Variants in HEG1 observed in about 807,000 individuals in gnomAD.
HEG1 encodes protein HEG homolog 1.
Under a neutral mutation model 125.6 loss-of-function variants are expected in HEG1, and 56 were observed. The ratio of observed to expected loss-of-function variants is 0.45; its 90% CI spans 0.36 to 0.56. The LOEUF (loss-of-function observed/expected upper bound fraction) is 0.56. HEG1 is among the 20% of genes least tolerant of loss of function. The probability of loss-of-function intolerance (pLI) is 0.00; values close to 1 mark genes in which losing one functional copy is unlikely to be tolerated. For missense variants in HEG1, 1,523 were observed against 1,670.0 expected, an observed-to-expected ratio of 0.91 and a Z score of 1.53; for synonymous variants, 644 against 668.5, an observed-to-expected ratio of 0.96 and a Z score of 0.57.
intron 1 of HEG1, among the ~76,000 whole-genome samples, chr3:125,030,527 A>G (rs1403361481): frequency 6.6e-6 from 1 of 152,254 alleles, no homozygotes; most frequent in East Asian, 1.9e-4. Context: ...TGGTCACTGA[A>G]TTGGTGCTAT....
chr3:125,029,229 T>A lies in HEG1; in HGVS notation c.576A>T (p.Ile192=). Residue 192 remains isoleucine (I), a synonymous_variant, in exon 2 of 17, where the codon ATA becomes ATT. Coordinates refer to ENST00000311127, the MANE Select transcript of HEG1 (RefSeq NM_020733.2). ...CACTCTGGGAAGTCAGAGCTGTTGC[T>A]ATCTCCAGTGAGTACCCAACAGGCA... ...TILPVGYSLE[I]ATALTSQSGN... The A allele has an allele frequency of 6.2e-7, 1 of 1,613,262 alleles. No individual in the cohort carries two copies. Among genetic ancestry groups the A allele is most frequent in the Non-Finnish European group, 8.5e-7 (1 of 1,179,658 alleles).
chr3:125,010,421 C>A lies in HEG1; in HGVS notation c.3073+18G>T. The A allele has an allele frequency of 6.7e-7, 1 of 1,491,090 alleles. No homozygotes were observed. Among genetic ancestry groups the A allele is most frequent in the Non-Finnish European group, 9.1e-7 (1 of 1,092,996 alleles). The allele number at this position is 1,491,090 out of a possible 1,614,324, so 92.4% of individuals were successfully genotyped here. ...TGGTACTGTGGTGCAGACCACTGGG[C>A]GTTACTTTTTCTCTTACCCACACTG... is the stretch of plus-strand genomic sequence containing the variant. On this transcript the variant is annotated intron_variant, in intron 7 of 16. Coordinates refer to ENST00000311127, the MANE Select transcript of HEG1 (RefSeq NM_020733.2).
intron 1 of HEG1, among the ~76,000 whole-genome samples, chr3:125,045,650 C>T (rs1937651642): frequency 6.6e-6 from 1 of 152,192 alleles, no homozygotes; most frequent in African/African-American, 2.4e-5. Context: ...CTCCCTTTCT[C>T]CAACTCCTCT....
At chr3:125,011,565 C>G (rs1191167625) in intron 6 of HEG1, among the ~76,000 whole-genome samples, 2 of 152,178 alleles carry the variant, frequency 1.3e-5, no homozygotes, top group African/African-American at 4.8e-5. Flanking sequence ...CCCAAACTTC[C>G]CTGGAGAAAC....
chr3:125,005,184 C>G, intron 9 of HEG1, 81 bp downstream of exon 9: 1 of 806,956 alleles, frequency 1.2e-6, no homozygotes, highest in Non-Finnish European at 2.0e-6. Context: ...ACACAGCTGA[C>G]CGCTAGGCAG....
rs1300832618 is a variant in HEG1, at chr3:124,973,799, C to T, written c.3928G>A (p.Glu1310Lys). 1 of 1,613,866 alleles carries T rather than the reference C, an allele frequency of 6.2e-7. No individual in the cohort carries two copies. The highest frequency in any genetic ancestry group is 8.5e-7 in the Non-Finnish European group (1 of 1,179,878). The change falls in exon 16 of 17, where the codon GAA becomes AAA. Residue 1310 changes from glutamate to lysine, a missense_variant. Coordinates refer to ENST00000311127, the MANE Select transcript of HEG1 (RefSeq NM_020733.2). ...KNPRSQEWGR[E>K]AIEMHENGST... is the part of the protein sequence containing the mutation. The stretch of plus-strand genomic sequence containing the variant: ...CCATTCTCATGCATTTCAATAGCTT[C>T]TCGGCCCCATTCTTGTGAGCGAGGA...
In HEG1 at chr3:125,014,877, C is replaced by A. The variant is rs1014289911; in HGVS notation, c.1589-887G>T. 3.1e-6 allele frequency: 4 copies of A among 1,289,750 alleles called. No homozygotes were observed. In the African/African-American group the frequency reaches 6.1e-5, roughly 20 times the overall value. The allele number at this position is 1,289,750 out of a possible 1,614,324, so 79.9% of individuals were successfully genotyped here. Reference sequence around the variant, plus strand: ...GCTGGTGTTGGTGAGGGTGACAGACCGCAGTGTGCGTTCCCCGTTTCCAGT... The same window carrying A: ...GCTGGTGTTGGTGAGGGTGACAGACAGCAGTGTGCGTTCCCCGTTTCCAGT... On this transcript the variant is annotated intron_variant, in intron 5 of 16. Transcript: ENST00000311127.
At position 125,008,598 on chromosome 3, in the gene HEG1, C is replaced by A. The variant is rs532761416; in HGVS notation, c.3193+1107G>T. On this transcript the variant is annotated intron_variant, in intron 8 of 16. Transcript: ENST00000311127. ...GGCAGATCACTTGAGGTCAGGAGTT[C>A]GAGAGCATGGCCAACATGGCAAAGC... Among the ~76,000 whole-genome samples, 6 of 152,234 alleles carry A rather than the reference C, an allele frequency of 3.9e-5. No individual in the cohort carries two copies. The South Asian group carries it at 1.0e-3, about 26-fold the overall frequency.
In HEG1 at chr3:125,013,669, G is replaced by A. The variant is rs1937197073; in HGVS notation, c.1910C>T (p.Thr637Ile). The A allele has an allele frequency of 2.5e-6, 4 of 1,613,838 alleles. No homozygotes were observed. The highest frequency in any genetic ancestry group is 1.1e-5 in the South Asian group (1 of 91,022). Reference protein sequence around the residue: ...VLHTSNLPSYTPTINMPNTSV... With the variant: ...VLHTSNLPSYIPTINMPNTSV... ...AGTGTTCGGCATATTAATGGTGGGTGTGTAGGACGGAAGGTTGGATGTATG... is the reference window on the plus strand; with the variant it reads ...AGTGTTCGGCATATTAATGGTGGGTATGTAGGACGGAAGGTTGGATGTATG... Residue 637 changes from threonine (T) to isoleucine (I), a missense_variant, in exon 6 of 17, where the codon ACA becomes ATA. Thr to Ile is a moderately conservative substitution (Grantham distance 89). Transcript: ENST00000311127.
rs2107683325 is a variant in HEG1, at chr3:124,966,743, T to C, written c.*3909A>G. The C allele has an allele frequency of 6.6e-6, 1 of 152,396 alleles. No homozygotes were observed. The highest frequency in any genetic ancestry group is 2.1e-4 in the South Asian group (1 of 4,830). The allele number at this position is 152,396 out of a possible 1,614,324, so 9.4% of individuals were successfully genotyped here. A position where few individuals can be genotyped will look rare whatever the true frequency, so the allele number is the denominator to read the frequency against. Reference sequence around the variant, plus strand: ...CAAAACCCTGTGTGTTAGGCTAAACTTAGCCAAGGGCAACTGGAGTGGACA... The same window carrying C: ...CAAAACCCTGTGTGTTAGGCTAAACCTAGCCAAGGGCAACTGGAGTGGACA... On this transcript the variant is annotated 3_prime_UTR_variant, in exon 17 of 17. Transcript: ENST00000311127.
intron 1 of HEG1, among the ~76,000 whole-genome samples, chr3:125,041,601 T>C (rs1253649530): frequency 6.6e-6 from 1 of 152,174 alleles, no homozygotes; most frequent in Non-Finnish European, 1.5e-5. Context: ...TCTGGGTCTA[T>C]ATGCAAAAGA....
intron 2 of HEG1, 134 bp downstream of exon 2, chr3:125,029,061 G>A: frequency 1.1e-6 from 1 of 901,276 alleles, no homozygotes; most frequent in South Asian, 1.7e-5. Flanking sequence ...CTAAGTCACA[G>A]GTCTGACCCA....
chr3:125,015,062 C>A (rs1379145678), intron 5 of HEG1: 4 of 1,174,622 alleles, frequency 3.4e-6, no homozygotes, highest in South Asian at 1.5e-5. Context: ...GCTGGAGCGA[C>A]AGGATCGTGC....
chr3:124,966,665 C>T lies in HEG1; in HGVS notation c.*3987G>A, dbSNP rs1936319455. 1 of 152,204 alleles carries T rather than the reference C, an allele frequency of 6.6e-6. No individual in the cohort carries two copies. The highest frequency in any genetic ancestry group is 2.1e-4 in the South Asian group (1 of 4,834). 9.4% of individuals were successfully genotyped at this position (152,204 alleles called of 1,614,324 possible). On this transcript the variant is annotated 3_prime_UTR_variant, in exon 17 of 17. Transcript: ENST00000311127. ...AAATACTGAACTTTGCATTCTTCCTCTTTCCAAAGAAGTGCTGTAGTCTCA... is the reference window on the plus strand; with the variant it reads ...AAATACTGAACTTTGCATTCTTCCTTTTTCCAAAGAAGTGCTGTAGTCTCA...
In HEG1 at chr3:125,046,832, GA is replaced by G. The variant is rs1937679540; in HGVS notation, c.316+8742del. ...GCTCTCAACTCCTTCAAACACTTGT[GA>G]AGCACGTATTGATAACCCCCAAAGG... On this transcript the variant is annotated intron_variant, in intron 1 of 16. Transcript: ENST00000311127. 2.6e-5 allele frequency among the ~76,000 whole-genome samples: 4 copies of G among 152,310 alleles called. No individual in the cohort carries two copies. The Middle Eastern group carries it at 0.01, about 389-fold the overall frequency.
chr3:124,983,160 C>A lies in HEG1; in HGVS notation c.3734-5214G>T, dbSNP rs141341792. On this transcript the variant is annotated intron_variant, in intron 14 of 16. Transcript: ENST00000311127. ...CAATAAACTCTCTTTGTCGCTTAGG[C>A]TAGCTGGGCTCACTTACTCCAGGAG... is the stretch of plus-strand genomic sequence containing the variant. Among the ~76,000 whole-genome samples, 839 of 152,284 alleles carry A rather than the reference C, an allele frequency of 5.5e-3. 10 individuals carry two copies. The highest frequency in any genetic ancestry group is 0.018 in the African/African-American group (768 of 41,552).
At chr3:125,015,124 T>C in intron 5 of HEG1, 1 of 637,898 alleles carries the variant, frequency 1.6e-6, no homozygotes, top group Non-Finnish European at 2.2e-6. Context: ...CCTGTACTTT[T>C]AGGGTCTTTA....
chr3:124,980,755 G>A (rs1936633882), intron 14 of HEG1, among the ~76,000 whole-genome samples: 1 of 152,152 alleles, frequency 6.6e-6, no homozygotes, highest in Non-Finnish European at 1.5e-5. Context: ...TTGGCCTCCA[G>A]TGATCCGCTC....
At chr3:125,010,700 A>G (rs1937145753) in intron 6 of HEG1, 145 bp from the exon 7 acceptor site, 1 of 625,432 alleles carries the variant, frequency 1.6e-6, no homozygotes, top group African/African-American at 1.8e-5. Flanking sequence ...ACAAAAGTAA[A>G]ATGGGTTTCC....
Sources: gnomAD v4.1 joint callset for allele counts (sites outside exome capture counted in the v4.1 genomes callset) on GRCh38, gnomAD v4.1.1 for gene constraint, MANE v1.5 for transcripts, NCBI Gene and HGNC (gene_info 2026-07-23, HGNC 2026-07-21) for gene names.